MYO1H: variants seen among roughly 807,000 people sequenced by gnomAD.
MYO1H encodes the protein myosin IH, also known as unconventional myosin-Ih.
In MYO1H, 118 loss-of-function variants were observed where a neutral mutation model predicts 149.3. The ratio of observed to expected loss-of-function variants is 0.79; its 90% CI spans 0.68 to 0.92. The LOEUF (loss-of-function observed/expected upper bound fraction) is 0.92. MYO1H is among the 40% of genes least tolerant of loss of function. The probability of loss-of-function intolerance (pLI) is 0.00; values close to 1 mark genes in which losing one functional copy is unlikely to be tolerated. For missense variants in MYO1H, 1,212 were observed against 1,280.7 expected, an observed-to-expected ratio of 0.95 and a Z score of 0.82; for synonymous variants, 447 against 465.2, an observed-to-expected ratio of 0.96 and a Z score of 0.50.
chr12:109,391,947 G>C (rs1390444109), intron 2 of MYO1H, among the ~76,000 whole-genome samples: 1 of 152,092 alleles, frequency 6.6e-6, no homozygotes, highest in Non-Finnish European at 1.5e-5. Flanking sequence ...ATTCCTTGTA[G>C]ACTGGATATT....
the MYO1H span, among the ~76,000 whole-genome samples, chr12:109,340,329 C>T: frequency 3.7e-4 from 56 of 151,942 alleles, no homozygotes; most frequent in African/African-American, 1.2e-3. Context: ...TACAGGCGCC[C>T]GGCTAATTTT....
In MYO1H at chr12:109,425,936, C is replaced by G. The variant is rs764271874; in HGVS notation, c.1726-10C>G. Reference sequence around the variant, plus strand: ...GCTCGTTCTCTCTCTCTTTCTCTCTCTCTCTGCAGGTGGGGACTCAGTTTA... The same window carrying G: ...GCTCGTTCTCTCTCTCTTTCTCTCTGTCTCTGCAGGTGGGGACTCAGTTTA... On this transcript the variant is annotated splice_polypyrimidine_tract_variant and intron_variant, in intron 17 of 31. Transcript: ENST00000310903. 3.1e-6 allele frequency: 5 copies of G among 1,595,200 alleles called. No homozygotes were observed. The highest frequency in any genetic ancestry group is 4.3e-6 in the Non-Finnish European group (5 of 1,163,332).
chr12:109,392,660 G>A (rs1280277554), intron 2 of MYO1H, among the ~76,000 whole-genome samples: 3 of 151,848 alleles, frequency 2.0e-5, no homozygotes, highest in Non-Finnish European at 4.4e-5. Flanking sequence ...AGGTTGCAAT[G>A]AGCCGAGATC....
At position 109,426,646 on chromosome 12, in the gene MYO1H, G is replaced by A. The variant is rs574062807; in HGVS notation, c.1831+595G>A. On this transcript the variant is annotated intron_variant, in intron 18 of 31. Transcript: ENST00000310903. The stretch of plus-strand genomic sequence containing the variant: ...GTCAGGCAGGTGTCAGAGGCGAAGG[G>A]AGTCAACGTCACTCTTTTCTAGCCA... Among the ~76,000 whole-genome samples, 335 of 152,294 alleles carry A rather than the reference G, an allele frequency of 2.2e-3. 2 individuals carry two copies. Among genetic ancestry groups the A allele is most frequent in the Non-Finnish European group, 3.4e-3 (234 of 68,032 alleles).
chr12:109,377,104 C>T (rs531103778), intron 1 of MYO1H, among the ~76,000 whole-genome samples: 1 of 152,188 alleles, frequency 6.6e-6, no homozygotes, highest in Admixed American at 6.5e-5. Context: ...AAAACATTTC[C>T]ATCACTCCAA....
intron 1 of MYO1H, among the ~76,000 whole-genome samples, chr12:109,371,475 TC>T (rs1868982308): frequency 6.6e-6 from 1 of 152,106 alleles, no homozygotes; most frequent in South Asian, 2.1e-4. Flanking sequence ...GCCTACGCCT[TC>T]CAAAGCTCTG....
intron 1 of MYO1H, among the ~76,000 whole-genome samples, chr12:109,385,229 A>C (rs1001512293): frequency 2.6e-5 from 4 of 152,092 alleles, no homozygotes; most frequent in African/African-American, 9.7e-5. Context: ...TCATTATGCT[A>C]TGCTATATGT....
chr12:109,438,699 T>C, intron 23 of MYO1H, 79 bp downstream of exon 23: 1 of 1,070,720 alleles, frequency 9.3e-7, no homozygotes, highest in South Asian at 1.5e-5. Flanking sequence ...GGTAGATGAG[T>C]TCTTTGTGAT....
chr12:109,414,979 T>A (rs1870843147), intron 14 of MYO1H, among the ~76,000 whole-genome samples: 4 of 152,120 alleles, frequency 2.6e-5, no homozygotes, highest in Non-Finnish European at 4.4e-5. Flanking sequence ...CCCAAAGTAC[T>A]AGGATTATAG....
At chr12:109,411,369 C>A (rs1235546020) in intron 13 of MYO1H, among the ~76,000 whole-genome samples, 5 of 152,188 alleles carry the variant, frequency 3.3e-5, no homozygotes, top group African/African-American at 1.2e-4. Flanking sequence ...TGCCAAATGC[C>A]AGGATTATAG....
chr12:109,446,200 G>A (rs1872472364), intron 31 of MYO1H: 9 of 984,480 alleles, frequency 9.1e-6, no homozygotes, highest in Non-Finnish European at 1.1e-5. Flanking sequence ...GCTACGTTAG[G>A]GAGAAGTCTA....
the MYO1H span, among the ~76,000 whole-genome samples, chr12:109,334,173 C>T: frequency 1.3e-4 from 20 of 152,062 alleles, no homozygotes; most frequent in African/African-American, 3.9e-4. Context: ...TACACTACCA[C>T]GCCCAGCTAA....
intron 16 of MYO1H, among the ~76,000 whole-genome samples, chr12:109,422,840 G>A (rs11066542): frequency 0.11 from 17,175 of 152,108 alleles, 1,456 homozygotes; most frequent in African/African-American, 0.23. Context: ...TTGAAAGTCC[G>A]AGGTGGGTGG....
chr12:109,427,436 T>G, intron 18 of MYO1H, 33 bp from the exon 19 acceptor site: 1 of 1,425,712 alleles, frequency 7.0e-7, no homozygotes, highest in Non-Finnish European at 9.9e-7. Flanking sequence ...CATGGGATCC[T>G]TTCCTGTCAT....
chr12:109,338,503 C>T, the MYO1H span, among the ~76,000 whole-genome samples: 1 of 152,094 alleles, frequency 6.6e-6, no homozygotes, highest in Admixed American at 6.5e-5. Context: ...CATGGTGGCT[C>T]ACACCTGTAA....
At chr12:109,394,959 A>AAT (rs1180788065) in intron 3 of MYO1H, among the ~76,000 whole-genome samples, 7 of 152,266 alleles carry the variant, frequency 4.6e-5, no homozygotes, top group Non-Finnish European at 8.8e-5. Context: ...ACAGGGTCTC[A>AAT]GTGTGTTGCC....
chr12:109,380,743 C>T (rs1869187260), intron 1 of MYO1H, among the ~76,000 whole-genome samples: 1 of 152,080 alleles, frequency 6.6e-6, no homozygotes, highest in African/African-American at 2.4e-5. Context: ...GTCAGGAGTT[C>T]GAGACCAGCC....
intron 1 of MYO1H, among the ~76,000 whole-genome samples, chr12:109,374,940 CA>C (rs1363444796): frequency 6.6e-6 from 1 of 151,638 alleles, no homozygotes; most frequent in Non-Finnish European, 1.5e-5. Context: ...CTGCAACCTC[CA>C]CCTCCTGGGT....
the MYO1H span, among the ~76,000 whole-genome samples, chr12:109,333,016 C>T: frequency 4.6e-5 from 7 of 151,596 alleles, no homozygotes; most frequent in Admixed American, 4.6e-4. Context: ...TGGACTTGTT[C>T]ATTTAAAAAA....
Sources: gnomAD v4.1 joint callset for allele counts (sites outside exome capture counted in the v4.1 genomes callset) on GRCh38, gnomAD v4.1.1 for gene constraint, MANE v1.5 for transcripts, NCBI Gene and HGNC (gene_info 2026-07-23, HGNC 2026-07-21) for gene names.